Variants in PDE4D observed in about 807,000 individuals in gnomAD.
The protein encoded by PDE4D is 3',5'-cyclic-AMP phosphodiesterase 4D.
Under a neutral mutation model 87.4 loss-of-function variants are expected in PDE4D, and 24 were observed. That is an observed-to-expected ratio of 0.27 (90% CI 0.20 to 0.39). PDE4D has a LOEUF of 0.39. PDE4D is among the 10% of genes least tolerant of loss of function. The probability of loss-of-function intolerance (pLI) is 1.00; values close to 1 mark genes in which losing one functional copy is unlikely to be tolerated. For missense variants in PDE4D, 714 were observed against 1,041.0 expected, an observed-to-expected ratio of 0.69 and a Z score of 4.32; for synonymous variants, 384 against 383.2, an observed-to-expected ratio of 1.00 and a Z score of -0.02.
intron 1 of PDE4D, among the ~76,000 whole-genome samples, chr5:59,376,395 C>G (rs1404175786): frequency 2.6e-5 from 4 of 152,108 alleles, no homozygotes; most frequent in Non-Finnish European, 5.9e-5. Flanking sequence ...CAACAATAGT[C>G]AAGCTGAGAG....
chr5:59,475,392 T>G (rs1477204779), intron 1 of PDE4D, among the ~76,000 whole-genome samples: 1 of 152,100 alleles, frequency 6.6e-6, no homozygotes, highest in Non-Finnish European at 1.5e-5. Context: ...AATAGGGTAT[T>G]ATAAAGCATA....
intron 1 of PDE4D, among the ~76,000 whole-genome samples, chr5:60,419,303 T>C (rs1742890256): frequency 6.6e-6 from 1 of 152,052 alleles, no homozygotes; most frequent in African/African-American, 2.4e-5. Flanking sequence ...AAAAAGAATG[T>C]AGAAATTCTT....
intron 1 of PDE4D, among the ~76,000 whole-genome samples, chr5:60,494,184 C>T (rs879723459): frequency 5.9e-5 from 9 of 152,136 alleles, no homozygotes; most frequent in Non-Finnish European, 1.3e-4. Flanking sequence ...TTGCATGGGG[C>T]CTGGCAAGGA....
At chr5:59,521,788 T>C (rs952189720) in intron 1 of PDE4D, among the ~76,000 whole-genome samples, 1 of 152,170 alleles carries the variant, frequency 6.6e-6, no homozygotes, top group Non-Finnish European at 1.5e-5. Context: ...TGTAGCACCT[T>C]CCACCTGTCT....
intron 1 of PDE4D, among the ~76,000 whole-genome samples, chr5:60,213,378 G>T (rs1743475725): frequency 6.6e-6 from 1 of 152,158 alleles, no homozygotes; most frequent in Admixed American, 6.5e-5. Flanking sequence ...AATTGTAGCA[G>T]CCATGTTGGT....
chr5:59,648,678 T>C (rs182026565), intron 1 of PDE4D, among the ~76,000 whole-genome samples: 2 of 151,508 alleles, frequency 1.3e-5, no homozygotes, highest in East Asian at 2.0e-4. Context: ...TCAAAAATGC[T>C]TCCACAAGAA....
intron 1 of PDE4D, among the ~76,000 whole-genome samples, chr5:59,385,623 T>C (rs1234520404): frequency 6.6e-6 from 1 of 152,196 alleles, no homozygotes; most frequent in Non-Finnish European, 1.5e-5. Context: ...GTAGAGGGTA[T>C]ACTGCTCTTG....
At chr5:59,690,401 C>T (rs1750707355) in intron 1 of PDE4D, among the ~76,000 whole-genome samples, 1 of 152,138 alleles carries the variant, frequency 6.6e-6, no homozygotes. Flanking sequence ...ATAGAGCCCT[C>T]AGAAATAATA....
intron 1 of PDE4D, among the ~76,000 whole-genome samples, chr5:59,684,935 T>G (rs1182118919): frequency 1.3e-5 from 2 of 152,222 alleles, no homozygotes; most frequent in Non-Finnish European, 2.9e-5. Flanking sequence ...GCTTTGACGT[T>G]TCCCTCAGCC....
At chr5:59,775,054 T>G (rs1296996548) in intron 1 of PDE4D, among the ~76,000 whole-genome samples, 1 of 152,108 alleles carries the variant, frequency 6.6e-6, no homozygotes, top group Non-Finnish European at 1.5e-5. Flanking sequence ...TGCAATACAA[T>G]TTAGGTAAGA....
intron 1 of PDE4D, among the ~76,000 whole-genome samples, chr5:60,421,912 G>C (rs1396370509): frequency 6.6e-6 from 1 of 152,206 alleles, no homozygotes; most frequent in African/African-American, 2.4e-5. Context: ...AGCTTCAATA[G>C]CCTGTTAGAT....
intron 1 of PDE4D, among the ~76,000 whole-genome samples, chr5:59,878,780 A>G (rs934934328): frequency 1.6e-4 from 24 of 151,790 alleles, no homozygotes; most frequent in African/African-American, 4.4e-4. Context: ...CCACAGCATC[A>G]GTTTCAGACT....
chr5:59,006,922 TCAAGGTCA>T (rs1316372941), intron 6 of PDE4D, among the ~76,000 whole-genome samples: 1 of 152,172 alleles, frequency 6.6e-6, no homozygotes, highest in East Asian at 1.9e-4. Context: ...GTTGTCTTGC[TCAAGGTCA>T]CAAAGCCAGT....
At chr5:59,540,474 C>T (rs184811296) in intron 1 of PDE4D, among the ~76,000 whole-genome samples, 17 of 152,212 alleles carry the variant, frequency 1.1e-4, no homozygotes, top group African/African-American at 3.9e-4. Flanking sequence ...AATAGCAAAA[C>T]ATGTTTTGCC....
At chr5:59,410,276 C>T (rs1026317341) in intron 1 of PDE4D, among the ~76,000 whole-genome samples, 3 of 151,984 alleles carry the variant, frequency 2.0e-5, no homozygotes, top group Admixed American at 2.0e-4. Context: ...TTTCTTGAGA[C>T]AGTCTCACTC....
At chr5:60,504,914 A>G (rs1388032583) in intron 1 of PDE4D, among the ~76,000 whole-genome samples, 2 of 152,198 alleles carry the variant, frequency 1.3e-5, no homozygotes, top group Non-Finnish European at 1.5e-5. Context: ...TCCTCCCCCA[A>G]CAAAAGCATA....
intron 1 of PDE4D, among the ~76,000 whole-genome samples, chr5:59,641,690 G>A (rs893099072): frequency 6.6e-6 from 1 of 152,210 alleles, no homozygotes; most frequent in South Asian, 2.1e-4. Flanking sequence ...CTAATAAAAA[G>A]ACTGAAATCT....
At chr5:60,349,850 G>A (rs750185211) in intron 1 of PDE4D, among the ~76,000 whole-genome samples, 5 of 152,088 alleles carry the variant, frequency 3.3e-5, no homozygotes, top group Non-Finnish European at 7.4e-5. Flanking sequence ...ATACATGCAT[G>A]TATCAGTACA....
At chr5:60,390,726 T>A (rs561214941) in intron 1 of PDE4D, among the ~76,000 whole-genome samples, 1 of 151,846 alleles carries the variant, frequency 6.6e-6, no homozygotes, top group Non-Finnish European at 1.5e-5. Flanking sequence ...TAAGCTACTA[T>A]TAAAAAAATC....
Sources: allele counts gnomAD v4.1 joint callset (sites outside exome capture counted in the v4.1 genomes callset), GRCh38; gene constraint gnomAD v4.1.1; transcripts MANE v1.5; gene names NCBI Gene and HGNC (gene_info 2026-07-23, HGNC 2026-07-21).